Variants in ARHGAP28 observed in about 807,000 individuals in gnomAD.
ARHGAP28 encodes rho GTPase-activating protein 28.
A neutral mutation model predicts 90.7 loss-of-function variants in ARHGAP28; 56 were observed. The ratio of observed to expected loss-of-function variants is 0.62; its 90% CI spans 0.50 to 0.77. The LOEUF is 0.77. Among genes scored for constraint, ARHGAP28 ranks in the 30% least tolerant of loss-of-function variants. The probability of loss-of-function intolerance (pLI) is 0.00; values close to 1 mark genes in which losing one functional copy is unlikely to be tolerated. For synonymous variants in ARHGAP28, 308 were observed against 323.3 expected (o/e 0.95, Z 0.51); for missense variants, 869 against 900.9 (o/e 0.96, Z 0.45).
intron 11 of ARHGAP28, among the ~76,000 whole-genome samples, chr18:6,884,106 G>A (rs1337341534): frequency 1.3e-5 from 2 of 152,144 alleles, no homozygotes; most frequent in African/African-American, 2.4e-5. Context: ...CAGGCGTGGG[G>A]GCTCACGCCT....
intron 2 of ARHGAP28, among the ~76,000 whole-genome samples, chr18:6,830,042 A>G (rs2056702977): frequency 6.6e-6 from 1 of 152,118 alleles, no homozygotes; most frequent in Non-Finnish European, 1.5e-5. Context: ...TCCATAGTCC[A>G]TAGCATTCTC....
intron 1 of ARHGAP28, among the ~76,000 whole-genome samples, chr18:6,788,266 G>T (rs561915752): frequency 2.6e-5 from 4 of 152,216 alleles, no homozygotes; most frequent in African/African-American, 9.6e-5. Flanking sequence ...CTCCGGCCAG[G>T]TGACGTGCTA....
intron 17 of ARHGAP28, among the ~76,000 whole-genome samples, chr18:6,910,905 C>G (rs966606949): frequency 2.0e-5 from 3 of 150,962 alleles, no homozygotes; most frequent in East Asian, 2.0e-4. Context: ...AGTGCAGTGG[C>G]GCGATCTCGG....
intron 2 of ARHGAP28, among the ~76,000 whole-genome samples, chr18:6,827,425 C>T (rs2056676446): frequency 7.1e-6 from 1 of 140,970 alleles, no homozygotes; most frequent in African/African-American, 2.7e-5. Flanking sequence ...TTGACCCCCC[C>T]ACCTCCCTCC....
rs927131837 is a variant in ARHGAP28, at chr18:6,824,939, G to A, written c.300G>A (p.Pro100=). ...DSSMGGQEEP[P]PAEVTPVDEG... is the part of the protein sequence containing the mutation. ...GCATGGGAGGGCAAGAAGAGCCACC[G>A]CCAGCTGAGGTCACACCTGTGGATG... is the stretch of plus-strand genomic sequence containing the variant. The change falls in exon 2 of 18, where the codon CCG becomes CCA. Residue 100 remains proline (P), a synonymous_variant. Coordinates refer to ENST00000383472, the MANE Select transcript of ARHGAP28 (RefSeq NM_001366230.1). 2.9e-5 allele frequency: 44 copies of A among 1,535,406 alleles called. 1 individual carries two copies. The Middle Eastern group carries it at 8.4e-4, about 29-fold the overall frequency.
chr18:6,875,879 G>A (rs966497422), intron 9 of ARHGAP28, among the ~76,000 whole-genome samples: 6 of 152,214 alleles, frequency 3.9e-5, no homozygotes, highest in African/African-American at 1.4e-4. Context: ...ACGAACTTGA[G>A]TCAGTGCCGT....
chr18:6,775,459 C>G (rs542339364), intron 1 of ARHGAP28, among the ~76,000 whole-genome samples: 2 of 152,070 alleles, frequency 1.3e-5, no homozygotes, highest in African/African-American at 2.4e-5. Context: ...GTTAAGGAAG[C>G]CTTCGATGAA....
chr18:6,782,834 C>T (rs919909393), intron 1 of ARHGAP28, among the ~76,000 whole-genome samples: 7 of 151,782 alleles, frequency 4.6e-5, no homozygotes, highest in African/African-American at 1.7e-4. Context: ...TAACAAACTT[C>T]TGATTGGATC....
chr18:6,754,704 T>A (rs771093417), intron 1 of ARHGAP28: 3 of 152,166 alleles, frequency 2.0e-5, no homozygotes, highest in Non-Finnish European at 4.4e-5. Context: ...TTCCCAAGGA[T>A]CTTCATAAGT....
chr18:6,770,577 A>G (rs532861135), intron 1 of ARHGAP28, among the ~76,000 whole-genome samples: 1 of 152,350 alleles, frequency 6.6e-6, no homozygotes, highest in Admixed American at 6.5e-5. Context: ...TTTAAGCCAC[A>G]TCTGATAACC....
chr18:6,835,956 G>A (rs1192720949), intron 2 of ARHGAP28: 4 of 152,144 alleles, frequency 2.6e-5, no homozygotes, highest in African/African-American at 4.8e-5. Flanking sequence ...TCTCTCGGGT[G>A]AGCAGCTATA....
At chr18:6,841,182 T>TCTC (rs2056815168) in intron 3 of ARHGAP28, among the ~76,000 whole-genome samples, 1 of 44,232 alleles carries the variant, frequency 2.3e-5, no homozygotes, top group African/African-American at 1.5e-4. Flanking sequence ...CTCTCTCTCC[T>TCTC]CTCTCTCTCT....
chr18:6,854,591 C>G (rs1439462365), intron 4 of ARHGAP28, among the ~76,000 whole-genome samples: 2 of 152,128 alleles, frequency 1.3e-5, no homozygotes, highest in African/African-American at 2.4e-5. Context: ...AAGGCAGGCC[C>G]CTCTGGAGCT....
chr18:6,826,713 C>G (rs1378332872), intron 2 of ARHGAP28, among the ~76,000 whole-genome samples: 1 of 80,540 alleles, frequency 1.2e-5, no homozygotes, highest in East Asian at 3.8e-4. Flanking sequence ...TTTTATTGAT[C>G]ATTCTTGGGT....
chr18:6,802,122 G>T (rs2056486388), intron 1 of ARHGAP28, among the ~76,000 whole-genome samples: 1 of 151,998 alleles, frequency 6.6e-6, no homozygotes, highest in Non-Finnish European at 1.5e-5. Flanking sequence ...ATATTCCATT[G>T]TGTAGGTATA....
intron 1 of ARHGAP28, among the ~76,000 whole-genome samples, chr18:6,759,156 G>A (rs1296523770): frequency 6.6e-6 from 1 of 152,150 alleles, no homozygotes; most frequent in African/African-American, 2.4e-5. Flanking sequence ...GGCAAATTCA[G>A]ATATACTGGC....
chr18:6,887,069 C>A, intron 11 of ARHGAP28, 88 bp from the exon 12 acceptor site: 1 of 1,225,088 alleles, frequency 8.2e-7, no homozygotes, highest in East Asian at 2.4e-5. Context: ...GTCAGGAGCC[C>A]TCCTGTGCCA....
chr18:6,893,138 C>A (rs984160809), intron 14 of ARHGAP28, among the ~76,000 whole-genome samples: 4 of 152,180 alleles, frequency 2.6e-5, no homozygotes, highest in African/African-American at 9.7e-5. Flanking sequence ...TGCCTGTAAA[C>A]GTTTTTGACA....
chr18:6,878,603 T>C (rs1275351648), intron 10 of ARHGAP28, among the ~76,000 whole-genome samples: 1 of 152,224 alleles, frequency 6.6e-6, no homozygotes, highest in Admixed American at 6.5e-5. Flanking sequence ...CAAAGGCTAA[T>C]CGTTCCTTCA....
Sources: allele counts gnomAD v4.1 joint callset (sites outside exome capture counted in the v4.1 genomes callset), GRCh38; gene constraint gnomAD v4.1.1; transcripts MANE v1.5; gene names NCBI Gene and HGNC (gene_info 2026-07-23, HGNC 2026-07-21).